The following MAP4K5 variants were observed in gnomAD, a reference collection of about 807,000 sequenced individuals.
MAP4K5 encodes the protein mitogen-activated protein kinase kinase kinase kinase 5, also known as MAPK/ERK kinase kinase kinase 5.
Under a neutral mutation model 135.6 loss-of-function variants are expected in MAP4K5, and 82 were observed. That is an observed-to-expected ratio of 0.60 (90% CI 0.51 to 0.73). The LOEUF is 0.73. MAP4K5 is among the 30% of genes least tolerant of loss of function. MAP4K5 has a pLI of 0.00. For synonymous variants in MAP4K5, 347 were observed against 335.0 expected (o/e 1.04, Z -0.39); for missense variants, 907 against 1,010.9 (o/e 0.90, Z 1.39).
chr14:50,490,817 G>C (rs1002127301), intron 3 of MAP4K5, among the ~76,000 whole-genome samples: 4 of 152,126 alleles, frequency 2.6e-5, no homozygotes, highest in Non-Finnish European at 5.9e-5. Flanking sequence ...TACCATCAGT[G>C]CATCAAAATA....
At chr14:50,523,299 G>A (rs997602862) in intron 2 of MAP4K5, among the ~76,000 whole-genome samples, 4 of 151,660 alleles carry the variant, frequency 2.6e-5, no homozygotes, top group South Asian at 2.1e-4. Flanking sequence ...CAACAAGAGC[G>A]AAACTCTGTC....
chr14:50,560,429 C>A, intron 1 of MAP4K5: 1 of 1,219,458 alleles, frequency 8.2e-7, no homozygotes, highest in Non-Finnish European at 1.2e-6. Context: ...CGGGCCGTAG[C>A]CGAGCCGCTC....
chr14:50,504,706 A>T, intron 3 of MAP4K5, 94 bp downstream of exon 3: 1 of 881,492 alleles, frequency 1.1e-6, no homozygotes, highest in South Asian at 1.6e-5. Flanking sequence ...TACTGACCTG[A>T]TAGAACATAT....
At chr14:50,437,776 T>C (rs1360323499) in intron 25 of MAP4K5, 118 bp downstream of exon 25, 3 of 719,940 alleles carry the variant, frequency 4.2e-6, no homozygotes, top group Admixed American at 5.5e-5. Context: ...TAATACACTT[T>C]AGTTTAAACT....
chr14:50,529,000 T>C lies in MAP4K5; in HGVS notation c.108+2942A>G, dbSNP rs571446025. On this transcript the variant is annotated intron_variant, in intron 2 of 32. Transcript: ENST00000682126. ...GGACTTAGATCACTGATAGTGGATA[T>C]ACTATAAAATAGTTTTTCAGAAATA... 6.1e-3 allele frequency among the ~76,000 whole-genome samples: 936 copies of C among 152,302 alleles called. 5 individuals carry two copies. The highest frequency in any genetic ancestry group is 0.014 in the Middle Eastern group (4 of 294).
At position 50,448,519 on chromosome 14, in the gene MAP4K5, C is replaced by T. The variant is rs192238384; in HGVS notation, c.1074+255G>A. ...GCTTAAAGCTGAGAATCAAATTCTG[C>T]GTATTTAATAACATCATGTAAAACC... On this transcript the variant is annotated intron_variant, in intron 15 of 32. Coordinates refer to ENST00000682126, the MANE Select transcript of MAP4K5 (RefSeq NM_006575.6). 5.5e-3 allele frequency among the ~76,000 whole-genome samples: 821 copies of T among 150,596 alleles called. 2 individuals carry two copies. The highest frequency in any genetic ancestry group is 7.3e-3 in the Non-Finnish European group (495 of 67,724).
chr14:50,456,975 C>G (rs929646214), intron 13 of MAP4K5, among the ~76,000 whole-genome samples: 3 of 152,172 alleles, frequency 2.0e-5, no homozygotes, highest in South Asian at 2.1e-4. Context: ...TTCATGAAAG[C>G]TGTAATCTCA....
At chr14:50,546,154 G>T (rs1358757880) in intron 1 of MAP4K5, among the ~76,000 whole-genome samples, 3 of 152,122 alleles carry the variant, frequency 2.0e-5, no homozygotes, top group South Asian at 2.1e-4. Context: ...GAGGGTAAAA[G>T]AAGTTTTTTA....
chr14:50,504,389 T>A lies in MAP4K5; in HGVS notation c.166+411A>T, dbSNP rs952319178. On this transcript the variant is annotated intron_variant, in intron 3 of 32. Coordinates refer to ENST00000682126, the MANE Select transcript of MAP4K5 (RefSeq NM_006575.6). ...CTGACACACAGAAGTGTTAATAAAA[T>A]AAGCATTAAGCTAAGACCAGAATTA... 2.0e-5 allele frequency among the ~76,000 whole-genome samples: 3 copies of A among 152,072 alleles called. No homozygotes were observed. The East Asian group carries it at 5.8e-4, about 29-fold the overall frequency.
At chr14:50,446,033 A>G (rs746272245) in intron 17 of MAP4K5, 46 bp downstream of exon 17, 11 of 1,228,598 alleles carry the variant, frequency 9.0e-6, no homozygotes, top group African/African-American at 1.6e-5. Context: ...ATTTAACTAT[A>G]TTATTTAAAT....
intron 12 of MAP4K5, 102 bp downstream of exon 12, chr14:50,463,950 G>T: frequency 2.2e-5 from 8 of 365,276 alleles, no homozygotes; most frequent in South Asian, 3.6e-5. Context: ...CCTGCTGTAA[G>T]AGATCACTAA....
At chr14:50,554,919 T>C (rs1291276660) in intron 1 of MAP4K5, among the ~76,000 whole-genome samples, 2 of 152,192 alleles carry the variant, frequency 1.3e-5, no homozygotes, top group South Asian at 2.1e-4. Context: ...ACATGGAAGA[T>C]GGTAGAGTGC....
intron 26 of MAP4K5, among the ~76,000 whole-genome samples, chr14:50,435,396 G>C (rs1406684176): frequency 6.6e-6 from 1 of 151,976 alleles, no homozygotes; most frequent in Non-Finnish European, 1.5e-5. Context: ...ACAGGGTCTT[G>C]CTCTGTCATT....
intron 15 of MAP4K5, 67 bp downstream of exon 15, chr14:50,448,707 C>A (rs1555351722): frequency 3.4e-6 from 3 of 874,152 alleles, no homozygotes; most frequent in South Asian, 1.6e-5. Context: ...AATCAAAGTA[C>A]AACTAACAAA....
At chr14:50,444,578 A>G (rs1240149073) in intron 18 of MAP4K5, among the ~76,000 whole-genome samples, 3 of 152,008 alleles carry the variant, frequency 2.0e-5, no homozygotes. Context: ...GCGAAACCCC[A>G]TCTCTACAGA....
chr14:50,543,634 T>G (rs1392740507), intron 1 of MAP4K5, among the ~76,000 whole-genome samples: 1 of 152,300 alleles, frequency 6.6e-6, no homozygotes, highest in Admixed American at 6.5e-5. Context: ...GAAGGATCAA[T>G]CGTGGTGCTG....
rs765600894 is a variant in MAP4K5 at position 50,429,171 on chromosome 14, A to T, written c.2233+21T>A. ...CTTTATCAAGTAGTATACTCAAAAT[A>T]AAATTAAAAATAGTACTTACTGTCT... On this transcript the variant is annotated intron_variant, in intron 29 of 32. Coordinates refer to ENST00000682126, the MANE Select transcript of MAP4K5 (RefSeq NM_006575.6). 4.2e-6 allele frequency: 6 copies of T among 1,415,438 alleles called. No homozygotes were observed. In the African/African-American group the frequency reaches 7.2e-5, roughly 17 times the overall value. 87.7% of individuals were successfully genotyped at this position (1,415,438 alleles called of 1,614,324 possible).
intron 2 of MAP4K5, among the ~76,000 whole-genome samples, chr14:50,522,005 G>C (rs972773837): frequency 6.6e-6 from 1 of 152,104 alleles, no homozygotes; most frequent in African/African-American, 2.4e-5. Context: ...CTTGTTAATA[G>C]AGTTCATGTT....
chr14:50,490,159 G>GTGTGTGTGTGTGTGTA (rs71441284), intron 3 of MAP4K5, among the ~76,000 whole-genome samples: 8,055 of 137,832 alleles, frequency 0.058, 496 homozygotes, highest in East Asian at 0.27. Flanking sequence ...GTGTGTGTGT[G>GTGTGTGTGTGTGTGTA]TAAGGGAACT....
Sources: allele counts gnomAD v4.1 joint callset (sites outside exome capture counted in the v4.1 genomes callset), GRCh38; gene constraint gnomAD v4.1.1; transcripts MANE v1.5; gene names NCBI Gene and HGNC (gene_info 2026-07-23, HGNC 2026-07-21).